The following CHN2 variants were observed in gnomAD, a reference collection of about 807,000 sequenced individuals.
CHN2 encodes chimerin 2, also known as beta-chimaerin.
In CHN2, 35 loss-of-function variants were observed where a neutral mutation model predicts 56.3. That is an observed-to-expected ratio of 0.62 (90% CI 0.47 to 0.82). CHN2 has a LOEUF of 0.82. Ranked by LOEUF, CHN2 falls within the 40% of genes least tolerant of loss-of-function variation. The probability of loss-of-function intolerance (pLI) is 0.00; values close to 1 mark genes in which losing one functional copy is unlikely to be tolerated. For synonymous variants in CHN2, 210 were observed against 212.8 expected (o/e 0.99, Z 0.12); for missense variants, 491 against 580.5 (o/e 0.85, Z 1.58).
intron 1 of CHN2, among the ~76,000 whole-genome samples, chr7:29,337,589 GACCTACT>G (rs1796721278): frequency 6.6e-6 from 1 of 152,184 alleles, no homozygotes; most frequent in Non-Finnish European, 1.5e-5. Flanking sequence ...TTTAATCATA[GACCTACT>G]GATGCTGTCA....
intron 1 of CHN2, among the ~76,000 whole-genome samples, chr7:29,264,215 CACCACCCCGTCTGGGAGGTGGGGG>C (rs1213253341): frequency 8.7e-5 from 13 of 149,312 alleles, no homozygotes; most frequent in South Asian, 2.1e-4. Context: ...TCTGCCCGGC[CACCACCCCGTCTGGGAGGTGGGGG>C]GCCCCTCTGC....
At chr7:29,494,513 C>T (rs924598538) in intron 7 of CHN2, among the ~76,000 whole-genome samples, 1 of 152,012 alleles carries the variant, frequency 6.6e-6, no homozygotes, top group African/African-American at 2.4e-5. Context: ...GACATTTGGC[C>T]CTGTAAGTCC....
In CHN2 at chr7:29,412,735, T is replaced by C. The variant is rs544606059; in HGVS notation, c.576+11907T>C. On this transcript the variant is annotated intron_variant, in intron 6 of 12. Coordinates refer to ENST00000222792, the MANE Select transcript of CHN2 (RefSeq NM_004067.4). ...ATGAAACATGGCCCCTTTTGCAGCA[T>C]TGGATGTGGCCACGAGAGCCCTCTG... 4.5e-4 allele frequency among the ~76,000 whole-genome samples: 69 copies of C among 152,278 alleles called. 1 individual carries two copies. The Middle Eastern group carries it at 0.014, about 30-fold the overall frequency.
At chr7:29,270,674 TAATAA>T (rs147166255) in intron 1 of CHN2, among the ~76,000 whole-genome samples, 81,559 of 150,696 alleles carry the variant, frequency 0.54, 22,910 homozygotes, top group East Asian at 0.95. Flanking sequence ...CAAAAAATAA[TAATAA>T]AATAAAAAAT....
At chr7:29,263,411 C>A (rs186893231) in intron 1 of CHN2, among the ~76,000 whole-genome samples, 2 of 152,334 alleles carry the variant, frequency 1.3e-5, no homozygotes, top group African/African-American at 2.4e-5. Context: ...GCCTTGGCCT[C>A]CCAAGGTGCT....
chr7:29,215,893 G>A (rs547020943), intron 1 of CHN2, among the ~76,000 whole-genome samples: 25 of 152,086 alleles, frequency 1.6e-4, no homozygotes, highest in African/African-American at 5.3e-4. Flanking sequence ...ATATGAACGC[G>A]TTCTTTTAAA....
rs537774085 is a variant in CHN2 at position 29,303,388 on chromosome 7, G to A, written c.50-51237G>A. Among the ~76,000 whole-genome samples the A allele has an allele frequency of 5.3e-5, 8 of 152,294 alleles. No individual in the cohort carries two copies. The South Asian group carries it at 1.2e-3, about 24-fold the overall frequency. ...ACTAGGACCCACCTGGGTTGTCTCAGTCATTGGCGCAGGCACACCAAGCAG... is the reference window on the plus strand; with the variant it reads ...ACTAGGACCCACCTGGGTTGTCTCAATCATTGGCGCAGGCACACCAAGCAG... On this transcript the variant is annotated intron_variant, in intron 1 of 12. Coordinates refer to ENST00000222792, the MANE Select transcript of CHN2 (RefSeq NM_004067.4).
intron 1 of CHN2, among the ~76,000 whole-genome samples, chr7:29,200,274 A>G (rs1042486139): frequency 1.3e-5 from 2 of 152,090 alleles, no homozygotes; most frequent in Non-Finnish European, 2.9e-5. Flanking sequence ...TTAATTTTCA[A>G]AACAAAATGG....
At chr7:29,230,765 A>C (rs1238247636) in intron 1 of CHN2, among the ~76,000 whole-genome samples, 1 of 152,186 alleles carries the variant, frequency 6.6e-6, no homozygotes, top group East Asian at 1.9e-4. Flanking sequence ...TCTCCACCAA[A>C]TATCCATCCC....
chr7:29,378,017 G>C (rs1317955967), intron 3 of CHN2, among the ~76,000 whole-genome samples: 1 of 152,038 alleles, frequency 6.6e-6, no homozygotes, highest in East Asian at 1.9e-4. Context: ...GATCTCCCTG[G>C]GTATTTCTAC....
chr7:29,155,218 A>C (rs909879981), intron 2 of CHN2, among the ~76,000 whole-genome samples: 1 of 152,228 alleles, frequency 6.6e-6, no homozygotes, highest in Non-Finnish European at 1.5e-5. Context: ...ATGAAAATAA[A>C]GAAGTATTAT....
chr7:29,496,053 C>A lies in CHN2; in HGVS notation c.739+17C>A. 1 of 1,593,754 alleles carries A rather than the reference C, an allele frequency of 6.3e-7. No individual in the cohort carries two copies. The highest frequency in any genetic ancestry group is 8.6e-7 in the Non-Finnish European group (1 of 1,169,210). On this transcript the variant is annotated intron_variant, in intron 8 of 12. Transcript: ENST00000222792. ...GGTGCTCAGGTAGACACAGAACTTT[C>A]TTCTTTTCCAATTATATGAAATGCC...
chr7:29,398,250 C>G (rs60864303), intron 4 of CHN2, 123 bp from the exon 5 acceptor site: 41,819 of 681,144 alleles, frequency 0.061, 1,489 homozygotes, highest in African/African-American at 0.11. Context: ...AGTCACCCCC[C>G]TTCTTCACTC....
intron 6 of CHN2, among the ~76,000 whole-genome samples, chr7:29,465,066 T>C (rs943061202): frequency 1.3e-5 from 2 of 152,236 alleles, no homozygotes; most frequent in Non-Finnish European, 2.9e-5. Context: ...CTTGCCTTTT[T>C]TCCTTCTGAT....
chr7:29,468,140 G>GCACCCCCCCC (rs1785703562), intron 6 of CHN2, among the ~76,000 whole-genome samples: 1 of 57,582 alleles, frequency 1.7e-5, no homozygotes, highest in Non-Finnish European at 3.5e-5. Context: ...AAACGGACCC[G>GCACCCCCCCC]CCCCCCCCCC....
chr7:29,233,841 T>A (rs1041017797), intron 1 of CHN2, among the ~76,000 whole-genome samples: 1 of 106,334 alleles, frequency 9.4e-6, no homozygotes, highest in African/African-American at 3.5e-5. Flanking sequence ...TTTTTTTTTT[T>A]TTTTTTTTTT....
chr7:29,344,274 C>T (rs1220264547), intron 1 of CHN2, among the ~76,000 whole-genome samples: 3 of 152,180 alleles, frequency 2.0e-5, no homozygotes, highest in African/African-American at 4.8e-5. Context: ...TCTCATCCTC[C>T]AGTCCACTTT....
intron 6 of CHN2, among the ~76,000 whole-genome samples, chr7:29,469,150 C>G (rs4272269): frequency 0.31 from 47,170 of 152,088 alleles, 7,768 homozygotes; most frequent in Non-Finnish European, 0.36. Context: ...CTTTCATGTG[C>G]ACTTCACATC....
chr7:29,366,291 A>G (rs1799152945), intron 2 of CHN2, among the ~76,000 whole-genome samples: 1 of 152,154 alleles, frequency 6.6e-6, no homozygotes, highest in Admixed American at 6.5e-5. Flanking sequence ...GGGAGAAGAA[A>G]GAGAATGCGA....
Sources: allele counts gnomAD v4.1 joint callset (sites outside exome capture counted in the v4.1 genomes callset), GRCh38; gene constraint gnomAD v4.1.1; transcripts MANE v1.5; gene names NCBI Gene and HGNC (gene_info 2026-07-23, HGNC 2026-07-21).